Variants in RGS6 observed in about 807,000 individuals in gnomAD.
RGS6 encodes regulator of G-protein signaling 6.
In RGS6, 30 loss-of-function variants were observed where a neutral mutation model predicts 78.5. That is an observed-to-expected ratio of 0.38 (90% CI 0.29 to 0.52). The LOEUF (loss-of-function observed/expected upper bound fraction) is 0.52, where lower values mean the gene tolerates loss of function less well. Among genes scored for constraint, RGS6 ranks in the 20% least tolerant of loss-of-function variants. The pLI, the probability that RGS6 is intolerant of heterozygous loss-of-function variation, is 0.85. For missense variants in RGS6, 495 were observed against 609.7 expected (o/e 0.81, Z 1.98); for synonymous variants, 206 against 206.0 (o/e 1.00, Z 0.00).
chr14:72,357,558 C>T lies in RGS6; in HGVS notation c.184+5364C>T, dbSNP rs528798409. ...TAGGAACTGGAGCAAAGATAACCCTCGTTATGCTGTAGCAAAGTCAGGTGG... is the reference window on the plus strand; with the variant it reads ...TAGGAACTGGAGCAAAGATAACCCTTGTTATGCTGTAGCAAAGTCAGGTGG... On this transcript the variant is annotated intron_variant, in intron 3 of 17. Transcript: ENST00000553525. Among the ~76,000 whole-genome samples, 92 of 152,282 alleles carry T rather than the reference C, an allele frequency of 6.0e-4. 1 individual carries two copies. Among genetic ancestry groups the T allele is most frequent in the South Asian group, 3.9e-3 (19 of 4,826 alleles).
intron 2 of RGS6, among the ~76,000 whole-genome samples, chr14:72,025,192 G>C (rs1240884950): frequency 6.6e-6 from 1 of 152,054 alleles, no homozygotes; most frequent in African/African-American, 2.4e-5. Context: ...GCAGAGCAAA[G>C]TTCAGAGTTA....
intron 2 of RGS6, among the ~76,000 whole-genome samples, chr14:72,149,659 TTAAA>T (rs1474317396): frequency 1.3e-5 from 2 of 152,126 alleles, no homozygotes; most frequent in African/African-American, 2.4e-5. Flanking sequence ...ATCAGATTTA[TTAAA>T]TAAAGATAAA....
At chr14:72,257,450 T>C (rs540526458) in intron 2 of RGS6, among the ~76,000 whole-genome samples, 25 of 152,282 alleles carry the variant, frequency 1.6e-4, no homozygotes, top group African/African-American at 6.0e-4. Context: ...AGGAATCTTT[T>C]GGGTTTCTCT....
At chr14:72,326,440 G>C (rs2073787158) in intron 2 of RGS6, among the ~76,000 whole-genome samples, 1 of 152,052 alleles carries the variant, frequency 6.6e-6, no homozygotes, top group African/African-American at 2.4e-5. Flanking sequence ...GGGTCATGGG[G>C]GCAGACCCCT....
chr14:72,040,682 T>G (rs2092318149), intron 2 of RGS6, among the ~76,000 whole-genome samples: 1 of 152,176 alleles, frequency 6.6e-6, no homozygotes, highest in Non-Finnish European at 1.5e-5. Flanking sequence ...TTTCAGTCAT[T>G]ATTTTCTCCT....
intron 2 of RGS6, among the ~76,000 whole-genome samples, chr14:72,320,305 G>A (rs537769461): frequency 4.6e-5 from 7 of 152,218 alleles, no homozygotes; most frequent in Admixed American, 1.3e-4. Flanking sequence ...TTGGCTGGGC[G>A]TGGTGGCTAA....
chr14:71,918,943 C>T, the RGS6 span, among the ~76,000 whole-genome samples: 1 of 151,824 alleles, frequency 6.6e-6, no homozygotes, highest in Admixed American at 6.6e-5. Context: ...GTTTGAAACA[C>T]ACCTGATAGT....
At chr14:72,481,902 G>A (rs1355606865) in intron 12 of RGS6, among the ~76,000 whole-genome samples, 2 of 148,892 alleles carry the variant, frequency 1.3e-5, no homozygotes, top group Admixed American at 6.8e-5. Flanking sequence ...TCCGCCTCCC[G>A]GGTTCACACC....
chr14:71,895,565 A>G, the RGS6 span, among the ~76,000 whole-genome samples: 1 of 152,164 alleles, frequency 6.6e-6, no homozygotes, highest in African/African-American at 2.4e-5. Flanking sequence ...GTTGTTAAGC[A>G]ACTCCCAGTG....
At chr14:72,172,993 C>T (rs2097047871) in intron 2 of RGS6, among the ~76,000 whole-genome samples, 1 of 152,154 alleles carries the variant, frequency 6.6e-6, no homozygotes, top group South Asian at 2.1e-4. Context: ...ATTTTTCTGC[C>T]CTACCTGGGG....
At chr14:72,613,916 A>G in the RGS6 span, among the ~76,000 whole-genome samples, 4 of 152,062 alleles carry the variant, frequency 2.6e-5, no homozygotes, top group Admixed American at 1.3e-4. Context: ...GAGGTTGTCT[A>G]TCCTCCCACA....
chr14:72,046,968 C>T (rs1292279961), intron 2 of RGS6, among the ~76,000 whole-genome samples: 2 of 152,172 alleles, frequency 1.3e-5, no homozygotes, highest in Admixed American at 1.3e-4. Flanking sequence ...AGCCTTGTGA[C>T]CCTCTGATTT....
chr14:72,494,972 G>A (rs925251712), intron 12 of RGS6, among the ~76,000 whole-genome samples, 180 bp from the exon 13 acceptor site: 2 of 152,198 alleles, frequency 1.3e-5, no homozygotes, highest in African/African-American at 2.4e-5. Flanking sequence ...TGGTATGTTC[G>A]TTATAAGAAG....
intron 2 of RGS6, among the ~76,000 whole-genome samples, chr14:72,112,384 G>C (rs2095788900): frequency 6.6e-6 from 1 of 152,160 alleles, no homozygotes; most frequent in Non-Finnish European, 1.5e-5. Context: ...TTCTCCTCCA[G>C]GGATTAAGAG....
intron 17 of RGS6, among the ~76,000 whole-genome samples, chr14:72,547,999 T>A (rs1598998500): frequency 6.6e-6 from 1 of 152,108 alleles, no homozygotes; most frequent in South Asian, 2.1e-4. Flanking sequence ...CATTCCTGCC[T>A]CCCTCCCCCT....
intron 6 of RGS6, among the ~76,000 whole-genome samples, chr14:72,461,145 G>T (rs995001740): frequency 6.6e-6 from 1 of 152,078 alleles, no homozygotes; most frequent in Non-Finnish European, 1.5e-5. Context: ...GTGCTTCTGG[G>T]GCTGAAAAGA....
intron 2 of RGS6, among the ~76,000 whole-genome samples, chr14:71,999,883 A>G (rs2083111003): frequency 6.7e-6 from 1 of 149,554 alleles, no homozygotes; most frequent in African/African-American, 2.5e-5. Flanking sequence ...TTTTTTTATA[A>G]ATTACCCAGT....
intron 3 of RGS6, among the ~76,000 whole-genome samples, chr14:72,423,774 G>A (rs1425691517): frequency 6.6e-6 from 1 of 152,126 alleles, no homozygotes; most frequent in Non-Finnish European, 1.5e-5. Flanking sequence ...TCAGCGACAT[G>A]CAATTTATAC....
chr14:72,348,954 C>G (rs1007063898), intron 2 of RGS6, among the ~76,000 whole-genome samples: 10 of 151,998 alleles, frequency 6.6e-5, no homozygotes, highest in African/African-American at 2.2e-4. Context: ...ATCACAAGGT[C>G]AGGAGATCGA....
Sources: allele counts gnomAD v4.1 joint callset (sites outside exome capture counted in the v4.1 genomes callset), GRCh38; gene constraint gnomAD v4.1.1; transcripts MANE v1.5; gene names NCBI Gene and HGNC (gene_info 2026-07-23, HGNC 2026-07-21).